Variants in ADGRB3 observed in about 807,000 individuals in gnomAD.
The protein encoded by ADGRB3 is adhesion G protein-coupled receptor B3, also known as brain-specific angiogenesis inhibitor 3.
A neutral mutation model predicts 193.4 loss-of-function variants in ADGRB3; 37 were observed. The observed-to-expected ratio is 0.19, with a 90% CI of 0.15 to 0.25. ADGRB3 has a LOEUF of 0.25. ADGRB3 is among the 10% of genes least tolerant of loss of function. The probability of loss-of-function intolerance (pLI) is 1.00; values close to 1 mark genes in which losing one functional copy is unlikely to be tolerated. For missense variants in ADGRB3, 1,637 were observed against 1,852.9 expected (o/e 0.88, Z 2.14); for synonymous variants, 690 against 644.2 (o/e 1.07, Z -1.08).
chr6:69,060,226 C>G (rs932716201), intron 15 of ADGRB3, among the ~76,000 whole-genome samples: 3 of 150,290 alleles, frequency 2.0e-5, no homozygotes, highest in East Asian at 3.9e-4. Flanking sequence ...CTCTTTCTCT[C>G]TCTCTCTCTC....
intron 17 of ADGRB3, among the ~76,000 whole-genome samples, chr6:69,176,271 G>C (rs1034798363): frequency 6.6e-6 from 1 of 152,126 alleles, no homozygotes; most frequent in Non-Finnish European, 1.5e-5. Context: ...TTAGCTGCAA[G>C]TTTATCATGT....
At chr6:68,828,460 C>A (rs561733554) in intron 3 of ADGRB3, among the ~76,000 whole-genome samples, 1 of 152,038 alleles carries the variant, frequency 6.6e-6, no homozygotes, top group African/African-American at 2.4e-5. Context: ...AGCACTACCT[C>A]AAATATTTAT....
chr6:69,179,893 C>G (rs1430445157), intron 17 of ADGRB3, among the ~76,000 whole-genome samples: 3 of 152,152 alleles, frequency 2.0e-5, no homozygotes, highest in Non-Finnish European at 4.4e-5. Flanking sequence ...CTTGGAGAAC[C>G]TCTCTGTTGC....
At chr6:68,811,358 A>G (rs1245464478) in intron 3 of ADGRB3, among the ~76,000 whole-genome samples, 1 of 152,238 alleles carries the variant, frequency 6.6e-6, no homozygotes, top group Non-Finnish European at 1.5e-5. Context: ...TATATAACAT[A>G]AGCAATATGA....
chr6:68,719,513 T>C (rs960547521), intron 3 of ADGRB3, among the ~76,000 whole-genome samples: 4 of 151,772 alleles, frequency 2.6e-5, no homozygotes, highest in African/African-American at 9.7e-5. Context: ...TAAGTCATAT[T>C]ATAAATTCTA....
chr6:69,019,928 G>A (rs1038391054), intron 13 of ADGRB3, among the ~76,000 whole-genome samples: 4 of 151,996 alleles, frequency 2.6e-5, no homozygotes, highest in Non-Finnish European at 5.9e-5. Flanking sequence ...AGGAAAGAAA[G>A]TCCATAGGAA....
At chr6:69,129,704 G>T (rs1561928307) in intron 17 of ADGRB3, among the ~76,000 whole-genome samples, 1 of 152,266 alleles carries the variant, frequency 6.6e-6, no homozygotes, top group African/African-American at 2.4e-5. Flanking sequence ...GCTGTTCTAT[G>T]TGAATCAACA....
chr6:69,305,102 TAGA>T (rs1768037234), intron 20 of ADGRB3, among the ~76,000 whole-genome samples: 1 of 151,586 alleles, frequency 6.6e-6, no homozygotes, highest in Admixed American at 6.6e-5. Flanking sequence ...TAGTTCTTCC[TAGA>T]AGGACTATTG....
chr6:68,817,331 AT>A (rs2127378723), intron 3 of ADGRB3, among the ~76,000 whole-genome samples: 1 of 101,790 alleles, frequency 9.8e-6, no homozygotes, highest in African/African-American at 6.0e-5. Flanking sequence ...ATATATATAT[AT>A]ATATATATAT....
At chr6:68,715,170 A>C (rs147623289) in intron 3 of ADGRB3, among the ~76,000 whole-genome samples, 97 of 151,828 alleles carry the variant, frequency 6.4e-4, no homozygotes, top group African/African-American at 2.1e-3. Context: ...ATTAATATTA[A>C]TAACCATTAT....
intron 3 of ADGRB3, among the ~76,000 whole-genome samples, chr6:68,869,285 T>G (rs142760815): frequency 7.9e-4 from 121 of 152,318 alleles, no homozygotes; most frequent in African/African-American, 2.5e-3. Flanking sequence ...ATATAGAAAC[T>G]TTTTAATGTA....
rs181173072 is a variant in ADGRB3 at position 68,638,727 on chromosome 6, G to C, written c.52G>C (p.Val18Leu). 3 of 1,614,096 alleles carry C rather than the reference G, an allele frequency of 1.9e-6. No individual in the cohort carries two copies. The highest frequency in any genetic ancestry group is 1.7e-5 in the Admixed American group (1 of 60,012). Residue 18 changes from valine (V) to leucine (L), a missense_variant, in exon 3 of 32, where the codon GTT (valine) becomes CTT (leucine). Physicochemically the swap from Val to Leu is conservative, Grantham distance 32 (BLOSUM62 1). Coordinates refer to ENST00000370598, the MANE Select transcript of ADGRB3 (RefSeq NM_001704.3). ...TTATATATTTTCCACCTATCTCCTG[G>C]TTATGTTTGGATTTAATGCTGCCCA... The part of the protein sequence containing the change: ...LIYIFSTYLL[V>L]MFGFNAAQDF...
At chr6:68,992,266 A>G (rs1175167423) in intron 10 of ADGRB3, among the ~76,000 whole-genome samples, 2 of 152,164 alleles carry the variant, frequency 1.3e-5, no homozygotes, top group Non-Finnish European at 2.9e-5. Context: ...CTATTGTGAA[A>G]ATCTGAAGTC....
intron 17 of ADGRB3, among the ~76,000 whole-genome samples, chr6:69,104,990 T>G (rs1773169407): frequency 6.6e-6 from 1 of 152,200 alleles, no homozygotes. Context: ...GTTTTAACAT[T>G]GTAGTTTATA....
chr6:68,737,011 A>G (rs887695187), intron 3 of ADGRB3, among the ~76,000 whole-genome samples: 31 of 152,268 alleles, frequency 2.0e-4, no homozygotes, highest in African/African-American at 6.0e-4. Context: ...ATATAGTAGC[A>G]AATATTACTT....
chr6:69,144,205 G>A (rs1467504342), intron 17 of ADGRB3, among the ~76,000 whole-genome samples: 1 of 152,064 alleles, frequency 6.6e-6, no homozygotes, highest in Non-Finnish European at 1.5e-5. Context: ...CAGACCATTT[G>A]CTGTTGGCAT....
chr6:68,760,721 A>C (rs1766381397), intron 3 of ADGRB3, among the ~76,000 whole-genome samples: 1 of 152,184 alleles, frequency 6.6e-6, no homozygotes, highest in Non-Finnish European at 1.5e-5. Context: ...AGCTAGAGAA[A>C]ATCATGCCAT....
rs1765402685 is a variant in ADGRB3 at position 68,711,185 on chromosome 6, C to A, written c.757+71753C>A. On this transcript the variant is annotated intron_variant, in intron 3 of 31. Coordinates refer to ENST00000370598, the MANE Select transcript of ADGRB3 (RefSeq NM_001704.3). ...CTTTCCAGATCTCGGATTCATAAGCCAAGACCTTATTTCTTTTCTCCTACC... is the reference window on the plus strand; with the variant it reads ...CTTTCCAGATCTCGGATTCATAAGCAAAGACCTTATTTCTTTTCTCCTACC... Among the ~76,000 whole-genome samples, 3 of 152,018 alleles carry A rather than the reference C, an allele frequency of 2.0e-5. No homozygotes were observed. The South Asian group carries it at 6.2e-4, about 32-fold the overall frequency.
intron 17 of ADGRB3, among the ~76,000 whole-genome samples, chr6:69,155,143 T>TA (rs571718799): frequency 1.3e-3 from 199 of 152,320 alleles, no homozygotes; most frequent in African/African-American, 4.5e-3. Context: ...ATACAGCTAT[T>TA]AACCTAAGGT....
Sources: allele counts gnomAD v4.1 joint callset (sites outside exome capture counted in the v4.1 genomes callset), GRCh38; gene constraint gnomAD v4.1.1; transcripts MANE v1.5; gene names NCBI Gene and HGNC (gene_info 2026-07-23, HGNC 2026-07-21).